Variants in CAMK2A observed in about 807,000 individuals in gnomAD.
CAMK2A encodes calcium/calmodulin-dependent protein kinase type II subunit alpha.
A neutral mutation model predicts 79.2 loss-of-function variants in CAMK2A; 7 were observed. The observed-to-expected ratio is 0.09, with a 90% CI of 0.05 to 0.17. The LOEUF is 0.17. Among genes scored for constraint, CAMK2A ranks in the 10% least tolerant of loss-of-function variants. The pLI is 1.00. For missense variants in CAMK2A, 214 were observed against 646.4 expected, an observed-to-expected ratio of 0.33 and a Z score of 7.25; for synonymous variants, 242 against 251.7, an observed-to-expected ratio of 0.96 and a Z score of 0.36.
At chr5:150,237,272 A>G (rs578006028) in intron 15 of CAMK2A, among the ~76,000 whole-genome samples, 1 of 152,240 alleles carries the variant, frequency 6.6e-6, no homozygotes, top group African/African-American at 2.4e-5. Context: ...ACGTAATACA[A>G]TGCTCTTTTT....
intron 17 of CAMK2A, among the ~76,000 whole-genome samples, chr5:150,224,927 G>A (rs1562129470): frequency 6.6e-6 from 1 of 152,022 alleles, no homozygotes. Flanking sequence ...TTAGGAGACT[G>A]AGGCAGGTGG....
chr5:150,273,057 G>A lies in CAMK2A; in HGVS notation c.157+8C>T. The A allele has an allele frequency of 1.9e-6, 3 of 1,609,510 alleles. No homozygotes were observed. The highest frequency in any genetic ancestry group is 2.6e-6 in the Non-Finnish European group (3 of 1,176,096). On this transcript the variant is annotated splice_region_variant and intron_variant, in intron 2 of 18. Transcript: ENST00000671881. ...GGAGGGTGGGCAGGGTAGAAATCAG[G>A]CACCTACCTCTGGCTGACAGCTTCT...
rs762085530 is a variant in CAMK2A at position 150,252,114 on chromosome 5, G to A, written c.515-49C>T. 16 of 1,397,664 alleles carry A rather than the reference G, an allele frequency of 1.1e-5. No homozygotes were observed. The East Asian group carries it at 1.4e-4, about 12-fold the overall frequency. 86.6% of individuals were successfully genotyped at this position (1,397,664 alleles called of 1,614,324 possible). The stretch of plus-strand genomic sequence containing the variant: ...CAGACACATACACAGAGGTTGTCTC[G>A]TAAGTAACCTGGAGCAAGATCCTGC... On this transcript the variant is annotated intron_variant, in intron 7 of 18. Transcript: ENST00000671881.
intron 1 of CAMK2A, among the ~76,000 whole-genome samples, chr5:150,288,549 C>T (rs1332884576): frequency 6.6e-6 from 1 of 152,168 alleles, no homozygotes; most frequent in African/African-American, 2.4e-5. Context: ...AAAATGCACA[C>T]TAGTACACAC....
In CAMK2A at chr5:150,231,363, T is replaced by C. The variant is rs757512233; in HGVS notation, c.1084A>G (p.Ile362Val). 2 of 1,584,690 alleles carry C rather than the reference T, an allele frequency of 1.3e-6. No individual in the cohort carries two copies. The highest frequency in any genetic ancestry group is 2.3e-5 in the South Asian group (2 of 86,038). The stretch of plus-strand genomic sequence containing the variant: ...TCAATCAGCTGCTCTGTCACTTTTA[T>C]AATTTCCTGTTTCCGCACTGTAAGG... Reference protein sequence around the residue: ...EDTKVRKQEIIKVTEQLIEAI... With the variant: ...EDTKVRKQEIVKVTEQLIEAI... The change falls in exon 16 of 19, where the codon ATA becomes GTA. Residue 362 changes from isoleucine (I) to valine (V), a missense_variant. Physicochemically the swap from Ile to Val is conservative, Grantham distance 29. This residue lies in a region of CAMK2A where 123 missense variants were observed against 242.4 expected (regional missense o/e 0.51). Transcript: ENST00000671881.
chr5:150,231,462 C>T, intron 15 of CAMK2A, 82 bp from the exon 16 acceptor site: 1 of 607,524 alleles, frequency 1.6e-6, no homozygotes, highest in Admixed American at 4.1e-5. Context: ...TAATGAAGCA[C>T]CAACTACCAT....
At chr5:150,257,745 G>T in intron 3 of CAMK2A, 128 bp from the exon 4 acceptor site, 1 of 724,858 alleles carries the variant, frequency 1.4e-6, no homozygotes, top group Non-Finnish European at 2.4e-6. Flanking sequence ...TACACCAGGT[G>T]CCAGGTGCTT....
At chr5:150,279,694 T>C (rs2150307815) in intron 1 of CAMK2A, among the ~76,000 whole-genome samples, 1 of 152,188 alleles carries the variant, frequency 6.6e-6, no homozygotes, top group African/African-American at 2.4e-5. Context: ...CAGGGTTGAG[T>C]AGCCTGCCCC....
intron 16 of CAMK2A, 36 bp from the exon 17 acceptor site, chr5:150,228,322 G>C: frequency 6.6e-7 from 1 of 1,520,868 alleles, no homozygotes; most frequent in Non-Finnish European, 9.1e-7. Flanking sequence ...AGGGACTGGG[G>C]CGGCTTCTCA....
Position 150,256,843 on chromosome 5 carries a change from G to T in CAMK2A, c.273-12C>A. On this transcript the variant is annotated splice_polypyrimidine_tract_variant and intron_variant, in intron 4 of 18. Transcript: ENST00000671881. This position sits in a 1 kb window ranked among gnomAD's most constrained non-coding sequence, Gnocchi z 4.6. Reference sequence around the variant, plus strand: ...CCCCACCAGTGACCCTGGGGAGACAGGCATGGAATCACCCTCTAATAGAGG... The same window carrying T: ...CCCCACCAGTGACCCTGGGGAGACATGCATGGAATCACCCTCTAATAGAGG... The T allele has an allele frequency of 6.2e-7, 1 of 1,611,992 alleles. No individual in the cohort carries two copies. Among genetic ancestry groups the T allele is most frequent in the Non-Finnish European group, 8.5e-7 (1 of 1,178,312 alleles).
At chr5:150,287,934 C>T (rs1033154662) in intron 1 of CAMK2A, among the ~76,000 whole-genome samples, 1 of 113,014 alleles carries the variant, frequency 8.8e-6, no homozygotes, top group Non-Finnish European at 1.8e-5. Flanking sequence ...TGTAGGATAG[C>T]CTCTGTGTGT....
At chr5:150,231,260 A>G in intron 16 of CAMK2A, 45 bp downstream of exon 16, 3 of 1,198,794 alleles carry the variant, frequency 2.5e-6, no homozygotes, top group Non-Finnish European at 3.6e-6. Context: ...TACCCCCTGA[A>G]CAACAATCCA....
rs1347194595 is a variant in CAMK2A, at chr5:150,289,729, G to A, written c.-104C>T. On this transcript the variant is annotated 5_prime_UTR_variant, in exon 1 of 19. Transcript: ENST00000671881. Reference sequence around the variant, plus strand: ...GGACCACTTGCCTGCCCGTGCTGCCGAGTGCAAACAGAGAACCGGTTTGAC... The same window carrying A: ...GGACCACTTGCCTGCCCGTGCTGCCAAGTGCAAACAGAGAACCGGTTTGAC... The A allele has an allele frequency of 1.7e-5, 15 of 876,174 alleles. 1 individual carries two copies. Among genetic ancestry groups the A allele is most frequent in the South Asian group, 4.6e-5 (3 of 64,780 alleles). 54.3% of individuals were successfully genotyped at this position (876,174 alleles called of 1,614,324 possible).
rs755833001 is a variant in CAMK2A at position 150,247,764 on chromosome 5, C to T, written c.943+8G>A. ...GCTTACTGGGGACCCTGAGGTCCTGCCACCTACCGGAGAAGTTCCTGGTGG... is the reference window on the plus strand; with the variant it reads ...GCTTACTGGGGACCCTGAGGTCCTGTCACCTACCGGAGAAGTTCCTGGTGG... On this transcript the variant is annotated splice_region_variant and intron_variant, in intron 12 of 18. Coordinates refer to ENST00000671881, the MANE Select transcript of CAMK2A (RefSeq NM_015981.4). 5 of 1,608,948 alleles carry T rather than the reference C, an allele frequency of 3.1e-6. No homozygotes were observed. The highest frequency in any genetic ancestry group is 1.7e-6 in the Non-Finnish European group (2 of 1,177,982).
At chr5:150,280,164 A>G (rs1434724322) in intron 1 of CAMK2A, among the ~76,000 whole-genome samples, 4 of 152,188 alleles carry the variant, frequency 2.6e-5, no homozygotes. Context: ...CTTTCTCTAA[A>G]GGAAGCCTCT....
In CAMK2A at chr5:150,223,260, G is replaced by T. The variant is rs1184793536; in HGVS notation, c.1238-43C>A. The T allele has an allele frequency of 1.3e-6, 2 of 1,505,312 alleles. No homozygotes were observed. Among genetic ancestry groups the T allele is most frequent in the South Asian group, 1.1e-5 (1 of 87,648 alleles). The allele number at this position is 1,505,312 out of a possible 1,614,324, so 93.2% of individuals were successfully genotyped here. A position where few individuals can be genotyped will look rare whatever the true frequency, so the allele number is the denominator to read the frequency against. ...AGGGGCAGAGGAGATGCAACCGGGG[G>T]CCTCCTGTCTCACTTTCTTCACTTT... On this transcript the variant is annotated intron_variant, in intron 17 of 18. Transcript: ENST00000671881. The surrounding 1 kb of genome is among the most constrained non-coding windows in gnomAD (Gnocchi z 4.1).
intron 1 of CAMK2A, among the ~76,000 whole-genome samples, chr5:150,276,951 C>A (rs796749237): frequency 6.6e-6 from 1 of 152,116 alleles, no homozygotes; most frequent in Non-Finnish European, 1.5e-5. Flanking sequence ...AGATTCTGGC[C>A]GGGCGTGATG....
rs539809598 is a variant in CAMK2A at position 150,220,191 on chromosome 5, G to A, written c.*2519C>T. 1.3e-5 allele frequency: 2 copies of A among 152,476 alleles called. No individual in the cohort carries two copies. The highest frequency in any genetic ancestry group is 4.8e-5 in the African/African-American group (2 of 41,574). 9.4% of individuals were successfully genotyped at this position (152,476 alleles called of 1,614,324 possible). The stretch of plus-strand genomic sequence containing the variant: ...CCTCCAGCTCAGTTTCCTCTGGCAG[G>A]GAAACCAAGCTCCAAAGAGGGAAAG... On this transcript the variant is annotated 3_prime_UTR_variant, in exon 19 of 19. Transcript: ENST00000671881.
intron 17 of CAMK2A, 26 bp downstream of exon 17, chr5:150,228,166 C>T: frequency 1.3e-6 from 2 of 1,570,226 alleles, no homozygotes; most frequent in South Asian, 2.2e-5. Context: ...AGACAACAGG[C>T]ACCACAGAGA....
Sources: allele counts gnomAD v4.1 joint callset (sites outside exome capture counted in the v4.1 genomes callset), GRCh38; gene constraint gnomAD v4.1.1; regional missense constraint gnomAD v4.1.1; non-coding constraint Gnocchi (gnomAD v3.1); transcripts MANE v1.5; gene names NCBI Gene and HGNC (gene_info 2026-07-23, HGNC 2026-07-21).